Variants in GRIA2 observed in about 807,000 individuals in gnomAD.
GRIA2 encodes the protein glutamate receptor 2.
Under a neutral mutation model 97.3 loss-of-function variants are expected in GRIA2, and 14 were observed. The ratio of observed to expected loss-of-function variants is 0.14; its 90% CI spans 0.10 to 0.23. GRIA2 has a LOEUF of 0.23. Among genes scored for constraint, GRIA2 ranks in the 10% least tolerant of loss-of-function variants. The pLI, the probability that GRIA2 is intolerant of heterozygous loss-of-function variation, is 1.00. For synonymous variants in GRIA2, 412 were observed against 387.8 expected, an observed-to-expected ratio of 1.06 and a Z score of -0.73; for missense variants, 558 against 1,069.8, an observed-to-expected ratio of 0.52 and a Z score of 6.67.
rs1198273003 is a variant in GRIA2, at chr4:157,365,153, G to A, written c.*1722G>A. ...CTTACTTACCGTATTTCATAGAAGG[G>A]AAGGAAAAATGTAAGGTTTAACAGT... On this transcript the variant is annotated 3_prime_UTR_variant, in exon 16 of 16. Coordinates refer to ENST00000264426, the MANE Select transcript of GRIA2 (RefSeq NM_001083619.3). 1.3e-5 allele frequency: 2 copies of A among 151,660 alleles called. No homozygotes were observed. The highest frequency in any genetic ancestry group is 4.8e-5 in the African/African-American group (2 of 41,384). 9.4% of individuals were successfully genotyped at this position (151,660 alleles called of 1,614,324 possible).
chr4:157,247,476 G>T (rs189034262), intron 2 of GRIA2, among the ~76,000 whole-genome samples: 2 of 152,210 alleles, frequency 1.3e-5, no homozygotes, highest in African/African-American at 2.4e-5. Context: ...TGTAGAAGGT[G>T]GTCAATGAAG....
At chr4:157,323,336 CAAAAAAAAAAAA>C (rs779080483) in intron 6 of GRIA2, among the ~76,000 whole-genome samples, 4 of 51,440 alleles carry the variant, frequency 7.8e-5, no homozygotes, top group African/African-American at 1.7e-4. Flanking sequence ...GACTCTGTCT[CAAAAAAAAAAAA>C]AAAAAAAAAA....
rs112301965 is a variant in GRIA2, at chr4:157,306,114, T to C, written c.469+2323T>C. Among the ~76,000 whole-genome samples, 1,243 of 152,324 alleles carry C rather than the reference T, an allele frequency of 8.2e-3. 8 individuals carry two copies. The highest frequency in any genetic ancestry group is 0.013 in the Non-Finnish European group (918 of 68,018). ...CAAAATTGAAGAATTGAATGACTAATTCTCTTTACACTTTGATAAGGTTGA... is the reference window on the plus strand; with the variant it reads ...CAAAATTGAAGAATTGAATGACTAACTCTCTTTACACTTTGATAAGGTTGA... On this transcript the variant is annotated intron_variant, in intron 3 of 15. Transcript: ENST00000264426.
intron 2 of GRIA2, among the ~76,000 whole-genome samples, chr4:157,242,212 G>C (rs187932112): frequency 6.6e-6 from 1 of 152,016 alleles, no homozygotes; most frequent in African/African-American, 2.4e-5. Context: ...TCTCTAAAAA[G>C]GCAGTCAGGT....
Position 157,363,275 on chromosome 4 carries a change from T to C in GRIA2, c.*4-160T>C, listed in dbSNP as rs1736717543. Reference sequence around the variant, plus strand: ...GACAGATTCCTGCCATAATTGTGCTTTATTATTTGTAGTTCAGCTTTGCAC... The same window carrying C: ...GACAGATTCCTGCCATAATTGTGCTCTATTATTTGTAGTTCAGCTTTGCAC... On this transcript the variant is annotated intron_variant, in intron 15 of 15. Transcript: ENST00000264426. The C allele has an allele frequency of 6.6e-6, 4 of 607,344 alleles. No individual in the cohort carries two copies. The South Asian group carries it at 1.5e-4, about 22-fold the overall frequency. 37.6% of individuals were successfully genotyped at this position (607,344 alleles called of 1,614,324 possible).
intron 2 of GRIA2, among the ~76,000 whole-genome samples, chr4:157,289,797 G>T (rs1021521104): frequency 2.0e-5 from 3 of 151,606 alleles, no homozygotes; most frequent in Non-Finnish European, 4.4e-5. Flanking sequence ...TAAAAGAAAA[G>T]AATTTTAAAT....
At chr4:157,287,184 A>T (rs1291892470) in intron 2 of GRIA2, among the ~76,000 whole-genome samples, 1 of 151,690 alleles carries the variant, frequency 6.6e-6, no homozygotes, top group East Asian at 1.9e-4. Context: ...AAATCAATCC[A>T]TTGGATTTTT....
chr4:157,267,129 T>TA lies in GRIA2; in HGVS notation c.230-36414dup, dbSNP rs201634327. On this transcript the variant is annotated intron_variant, in intron 2 of 15. Transcript: ENST00000264426. Reference sequence around the variant, plus strand: ...GAAAAAAAGGATGCTAGCTTTGTGTTAAAAAAAAATGTTGGGCTGGGCACG... The same window carrying TA: ...GAAAAAAAGGATGCTAGCTTTGTGTTAAAAAAAAAATGTTGGGCTGGGCACG... Among the ~76,000 whole-genome samples the TA allele has an allele frequency of 9.6e-4, 144 of 149,996 alleles. 1 individual carries two copies. The South Asian group carries it at 0.016, about 17-fold the overall frequency.
chr4:157,355,971 A>ATATATT (rs1560781337), intron 12 of GRIA2, among the ~76,000 whole-genome samples: 1 of 9,594 alleles, frequency 1.0e-4, no homozygotes, highest in Admixed American at 2.5e-3. Flanking sequence ...ATGTATATTA[A>ATATATT]TATATATATT....
At chr4:157,259,684 C>A (rs1350623245) in intron 2 of GRIA2, among the ~76,000 whole-genome samples, 2 of 152,016 alleles carry the variant, frequency 1.3e-5, no homozygotes, top group African/African-American at 2.4e-5. Context: ...TGTTTACTAC[C>A]AAGTCTTCCA....
At chr4:157,235,681 A>C (rs1360493283) in intron 2 of GRIA2, among the ~76,000 whole-genome samples, 1 of 152,030 alleles carries the variant, frequency 6.6e-6, no homozygotes, top group Non-Finnish European at 1.5e-5. Flanking sequence ...ATCTGTTAAA[A>C]AGTTTCAATT....
chr4:157,360,870 A>C (rs562357479), intron 13 of GRIA2, 140 bp from the exon 14 acceptor site: 1 of 692,064 alleles, frequency 1.4e-6, no homozygotes, highest in African/African-American at 1.8e-5. Context: ...ATAGTAACAT[A>C]TTATTGTGGC....
At chr4:157,255,126 C>T (rs543734154) in intron 2 of GRIA2, among the ~76,000 whole-genome samples, 29 of 152,074 alleles carry the variant, frequency 1.9e-4, no homozygotes, top group African/African-American at 6.7e-4. Context: ...ACTCTATGGC[C>T]ATGTTGTTCA....
intron 2 of GRIA2, among the ~76,000 whole-genome samples, chr4:157,231,858 A>C (rs1730034323): frequency 1.3e-5 from 2 of 152,188 alleles, no homozygotes; most frequent in African/African-American, 4.8e-5. Flanking sequence ...TTAGTGTTTT[A>C]AAAATAAAAA....
intron 6 of GRIA2, among the ~76,000 whole-genome samples, chr4:157,322,774 G>A (rs1434995022): frequency 1.3e-5 from 2 of 152,134 alleles, no homozygotes; most frequent in African/African-American, 4.8e-5. Context: ...TATGAACCAG[G>A]CAGGACAGTG....
rs555358032 is a variant in GRIA2, at chr4:157,347,370, C to A, written c.2043+5908C>A. Among the ~76,000 whole-genome samples the A allele has an allele frequency of 7.6e-4, 115 of 152,266 alleles. 4 individuals carry two copies. In the South Asian group the frequency reaches 0.021, roughly 28 times the overall value. On this transcript the variant is annotated intron_variant, in intron 12 of 15. Coordinates refer to ENST00000264426, the MANE Select transcript of GRIA2 (RefSeq NM_001083619.3). The stretch of plus-strand genomic sequence containing the variant: ...TTTTAAAGACCACTCTTGCCATACA[C>A]TCGCTAAATAATTTGACTAATAAGA...
intron 2 of GRIA2, among the ~76,000 whole-genome samples, chr4:157,283,811 T>C (rs1295571852): frequency 6.6e-6 from 1 of 151,868 alleles, no homozygotes; most frequent in Non-Finnish European, 1.5e-5. Flanking sequence ...AAATCTTCAT[T>C]GGTAAAATAG....
rs747273941 is a variant in GRIA2 at position 157,295,875 on chromosome 4, C to T, written c.230-7677C>T. 4.6e-5 allele frequency among the ~76,000 whole-genome samples: 7 copies of T among 152,114 alleles called. No homozygotes were observed. In the East Asian group the frequency reaches 5.8e-4, roughly 13 times the overall value. The stretch of plus-strand genomic sequence containing the variant: ...TTTTTAGGGGAATAAATGTCACTTA[C>T]GACAAACTTTAAAACTTTAACAATT... On this transcript the variant is annotated intron_variant, in intron 2 of 15. Transcript: ENST00000264426.
intron 2 of GRIA2, among the ~76,000 whole-genome samples, chr4:157,236,740 A>C (rs530012339): frequency 6.6e-6 from 1 of 152,220 alleles, no homozygotes; most frequent in African/African-American, 2.4e-5. Context: ...TATTGTTTAC[A>C]TTTACTATGG....
Sources: gnomAD v4.1 joint callset for allele counts (sites outside exome capture counted in the v4.1 genomes callset) on GRCh38, gnomAD v4.1.1 for gene constraint, MANE v1.5 for transcripts, NCBI Gene and HGNC (gene_info 2026-07-23, HGNC 2026-07-21) for gene names.